Variants in UBE3D observed in about 807,000 individuals in gnomAD.
UBE3D encodes the protein ubiquitin protein ligase E3D.
In UBE3D, 48 loss-of-function variants were observed where a neutral mutation model predicts 49.6. The observed-to-expected ratio is 0.97, with a 90% CI of 0.77 to 1.23. The LOEUF is 1.23. Among genes scored for constraint, UBE3D ranks in the 50% most tolerant of loss-of-function variants. The probability of loss-of-function intolerance (pLI) is 0.00; values close to 1 mark genes in which losing one functional copy is unlikely to be tolerated. For synonymous variants in UBE3D, 189 were observed against 174.2 expected, an observed-to-expected ratio of 1.08 and a Z score of -0.67; for missense variants, 452 against 468.4, an observed-to-expected ratio of 0.96 and a Z score of 0.32.
the UBE3D span, among the ~76,000 whole-genome samples, chr6:82,881,452 A>G: frequency 0.19 from 28,176 of 152,098 alleles, 3,208 homozygotes; most frequent in Admixed American, 0.37. Flanking sequence ...CAAGGGTTCT[A>G]GCCTGGGTGC....
intron 8 of UBE3D, among the ~76,000 whole-genome samples, chr6:82,979,454 A>T (rs1414144699): frequency 6.6e-6 from 1 of 152,136 alleles, no homozygotes; most frequent in Non-Finnish European, 1.5e-5. Context: ...AATAACAGGG[A>T]AACTCACTGC....
chr6:82,919,681 A>G (rs1055360454), intron 9 of UBE3D, among the ~76,000 whole-genome samples: 1 of 152,222 alleles, frequency 6.6e-6, no homozygotes, highest in South Asian at 2.1e-4. Context: ...TAAGAATGCC[A>G]GTGGAGACCC....
At chr6:83,018,884 G>C in intron 8 of UBE3D, 89 bp downstream of exon 8, 1 of 1,459,254 alleles carries the variant, frequency 6.9e-7, no homozygotes. Context: ...AAATGGTATA[G>C]TGGCATTTAA....
chr6:82,961,086 A>C (rs1001071538), intron 8 of UBE3D, among the ~76,000 whole-genome samples: 3 of 152,202 alleles, frequency 2.0e-5, no homozygotes, highest in Non-Finnish European at 4.4e-5. Flanking sequence ...TCTCGAAATG[A>C]GGTAAACACT....
chr6:83,020,128 C>A (rs1780981934), intron 7 of UBE3D, among the ~76,000 whole-genome samples: 1 of 152,004 alleles, frequency 6.6e-6, no homozygotes, highest in East Asian at 1.9e-4. Flanking sequence ...TTCAAATATA[C>A]AAATTCTTAT....
At chr6:82,886,881 T>C in the UBE3D span, among the ~76,000 whole-genome samples, 2 of 152,244 alleles carry the variant, frequency 1.3e-5, no homozygotes, top group Admixed American at 6.5e-5. Context: ...GAATTTTATT[T>C]CAATTCTTTT....
chr6:83,045,345 T>A (rs1336661133), intron 3 of UBE3D, among the ~76,000 whole-genome samples: 1 of 152,228 alleles, frequency 6.6e-6, no homozygotes, highest in Non-Finnish European at 1.5e-5. Flanking sequence ...TAGGTAAAAG[T>A]ATTTTCAATG....
At chr6:82,901,565 A>G (rs1016484144) in intron 9 of UBE3D, among the ~76,000 whole-genome samples, 1 of 152,190 alleles carries the variant, frequency 6.6e-6, no homozygotes, top group Non-Finnish European at 1.5e-5. Flanking sequence ...TAGTCCAACC[A>G]TTTTATATAG....
intron 9 of UBE3D, among the ~76,000 whole-genome samples, chr6:82,909,390 T>C (rs1398636696): frequency 1.3e-5 from 2 of 152,168 alleles, no homozygotes; most frequent in Non-Finnish European, 2.9e-5. Flanking sequence ...AGGCCTTCCC[T>C]AACACTTACA....
intron 9 of UBE3D, among the ~76,000 whole-genome samples, chr6:82,905,033 T>A (rs1277910776): frequency 6.6e-6 from 1 of 152,202 alleles, no homozygotes; most frequent in East Asian, 1.9e-4. Context: ...CATCCTGGAT[T>A]GCTGACATAA....
At chr6:83,018,779 C>A (rs1780869524) in intron 8 of UBE3D, 194 bp downstream of exon 8, 4 of 640,022 alleles carry the variant, frequency 6.2e-6, no homozygotes, top group Admixed American at 7.3e-5. Flanking sequence ...TAAAAGCAAG[C>A]TTTCTGCATA....
chr6:83,053,265 C>T (rs571837889), intron 3 of UBE3D, among the ~76,000 whole-genome samples: 40 of 152,048 alleles, frequency 2.6e-4, no homozygotes, highest in Non-Finnish European at 5.0e-4. Context: ...CTTGAGGACA[C>T]AGGTAGAAGT....
chr6:83,053,800 A>G (rs1783630726), intron 3 of UBE3D, among the ~76,000 whole-genome samples: 1 of 152,222 alleles, frequency 6.6e-6, no homozygotes, highest in Non-Finnish European at 1.5e-5. Context: ...TGTGGAAAAA[A>G]TCACTGAATG....
chr6:82,977,113 C>CAGAAAAAAAAAAAA (rs1777779504), intron 8 of UBE3D, among the ~76,000 whole-genome samples: 1 of 42,572 alleles, frequency 2.3e-5, no homozygotes, highest in Non-Finnish European at 3.7e-5. Context: ...GACTCCATCT[C>CAGAAAAAAAAAAAA]AAAAAAAAAA....
At chr6:82,884,218 T>TATA in the UBE3D span, among the ~76,000 whole-genome samples, 2 of 152,278 alleles carry the variant, frequency 1.3e-5, no homozygotes, top group South Asian at 4.2e-4. Flanking sequence ...ACCTTCTCCT[T>TATA]CCATCTATAC....
chr6:83,033,714 C>T (rs560691956), intron 5 of UBE3D, among the ~76,000 whole-genome samples: 22 of 152,286 alleles, frequency 1.4e-4, no homozygotes, highest in African/African-American at 4.6e-4. Context: ...GCTATGCTTC[C>T]TGTATAGGCT....
At chr6:82,914,225 C>A (rs970973934) in intron 9 of UBE3D, among the ~76,000 whole-genome samples, 6 of 152,160 alleles carry the variant, frequency 3.9e-5, no homozygotes, top group African/African-American at 1.4e-4. Flanking sequence ...AAGATGCAGT[C>A]TGACTTTTAG....
intron 8 of UBE3D, among the ~76,000 whole-genome samples, chr6:82,965,198 T>G (rs1776824841): frequency 6.6e-6 from 1 of 152,158 alleles, no homozygotes; most frequent in South Asian, 2.1e-4. Flanking sequence ...AATGTATTAC[T>G]TCATGCCAAA....
At chr6:82,942,532 A>G (rs1775088052) in intron 9 of UBE3D, among the ~76,000 whole-genome samples, 1 of 152,224 alleles carries the variant, frequency 6.6e-6, no homozygotes, top group Non-Finnish European at 1.5e-5. Flanking sequence ...GCTAGGAGGA[A>G]AAAATGGTTT....
Sources: gnomAD v4.1 joint callset for allele counts (sites outside exome capture counted in the v4.1 genomes callset) on GRCh38, gnomAD v4.1.1 for gene constraint, MANE v1.5 for transcripts, NCBI Gene and HGNC (gene_info 2026-07-23, HGNC 2026-07-21) for gene names.